Variants in NREP observed in about 807,000 individuals in gnomAD.
NREP encodes neuronal regeneration related protein.
A neutral mutation model predicts 8.6 loss-of-function variants in NREP; 5 were observed. The ratio of observed to expected loss-of-function variants is 0.58; its 90% confidence interval spans 0.30 to 1.22. NREP has a LOEUF of 1.22. Among genes scored for constraint, NREP ranks in the 50% most tolerant of loss-of-function variants. The pLI, the probability that NREP is intolerant of heterozygous loss-of-function variation, is 0.07. For synonymous variants in NREP, 27 were observed against 28.0 expected (o/e 0.96, Z 0.11); for missense variants, 86 against 82.5 (o/e 1.04, Z -0.17).
At position 111,893,851 on chromosome 5, in the gene NREP, C is replaced by T. The variant is rs537478262; in HGVS notation, c.135+81423G>A. On this transcript the variant is annotated intron_variant, in intron 2 of 3. Coordinates refer to the NREP transcript ENST00000395634. The stretch of plus-strand genomic sequence containing the variant: ...TATAGGAATGGGAACAGAATTTTTA[C>T]AGGGCGGGCTAAAAAATACAATGAT... Among the ~76,000 whole-genome samples, 11 of 151,884 alleles carry T rather than the reference C, an allele frequency of 7.2e-5. No homozygotes were observed. The South Asian group carries it at 2.3e-3, about 32-fold the overall frequency.
chr5:111,843,017 G>A (rs913199432), intron 2 of NREP, among the ~76,000 whole-genome samples: 4 of 152,164 alleles, frequency 2.6e-5, no homozygotes, highest in Non-Finnish European at 4.4e-5. Context: ...AATGTGTCGT[G>A]GTGAAGATCT....
chr5:111,914,263 G>T (rs564096899), intron 2 of NREP, among the ~76,000 whole-genome samples: 42 of 152,200 alleles, frequency 2.8e-4, no homozygotes, highest in Admixed American at 2.3e-3. Flanking sequence ...TTTATTCAAA[G>T]ACCTATGCTA....
intron 2 of NREP, among the ~76,000 whole-genome samples, chr5:111,804,691 G>A (rs1279227149): frequency 1.3e-5 from 2 of 151,204 alleles, no homozygotes; most frequent in African/African-American, 4.9e-5. Context: ...GAGTGGAGGA[G>A]AATAAGAGAA....
In NREP at chr5:111,975,314, T is replaced by A. The variant is rs1041874413; in HGVS notation, c.95A>T (p.Lys32Ile). The A allele has an allele frequency of 3.2e-5, 49 of 1,551,604 alleles. No individual in the cohort carries two copies. Among genetic ancestry groups the A allele is most frequent in the Non-Finnish European group, 4.2e-5 (48 of 1,146,920 alleles). ...AATCTGGCAGTGAACCTGGAAACATTTGGAACAAGGGACTCTGTCTGTCAT... is the reference window on the plus strand; with the variant it reads ...AATCTGGCAGTGAACCTGGAAACATATGGAACAAGGGACTCTGTCTGTCAT... The change falls in exon 2 of 4, where the codon AAA (lysine) becomes ATA (isoleucine). Residue 32 changes from lysine (K) to isoleucine (I), a missense_variant. Coordinates refer to the NREP transcript ENST00000395634.
chr5:111,807,448 C>A (rs1752167430), intron 2 of NREP, among the ~76,000 whole-genome samples: 1 of 151,992 alleles, frequency 6.6e-6, no homozygotes, highest in Non-Finnish European at 1.5e-5. Context: ...AACAATTCAA[C>A]CAATTTCATC....
intron 2 of NREP, among the ~76,000 whole-genome samples, chr5:111,873,726 G>T (rs1753841033): frequency 6.6e-6 from 1 of 152,114 alleles, no homozygotes; most frequent in African/African-American, 2.4e-5. Flanking sequence ...CCCATGTCAA[G>T]ATTCTTAACC....
intron 2 of NREP, among the ~76,000 whole-genome samples, chr5:111,847,406 T>C (rs1226361674): frequency 6.6e-6 from 1 of 152,134 alleles, no homozygotes; most frequent in Non-Finnish European, 1.5e-5. Flanking sequence ...CCCTAATTAG[T>C]TCCCCAAGGT....
chr5:111,850,958 G>A (rs1298036686), intron 2 of NREP, among the ~76,000 whole-genome samples: 1 of 152,134 alleles, frequency 6.6e-6, no homozygotes, highest in Non-Finnish European at 1.5e-5. Context: ...AGCTTAAATA[G>A]TGGCATGTAA....
intron 2 of NREP, among the ~76,000 whole-genome samples, chr5:111,867,155 G>A (rs1220362960): frequency 9.3e-5 from 14 of 150,548 alleles, no homozygotes; most frequent in African/African-American, 3.4e-4. Flanking sequence ...AAAAAAAAAA[G>A]AAGGTGATGG....
At chr5:111,924,908 T>C (rs753883497) in intron 2 of NREP, among the ~76,000 whole-genome samples, 10 of 152,222 alleles carry the variant, frequency 6.6e-5, no homozygotes, top group Non-Finnish European at 1.3e-4. Context: ...CTGGCTCCCA[T>C]GTGAGCTAAA....
intron 2 of NREP, among the ~76,000 whole-genome samples, chr5:111,873,526 C>T (rs1227368647): frequency 6.6e-6 from 1 of 152,142 alleles, no homozygotes; most frequent in African/African-American, 2.4e-5. Context: ...AAACTGAAGG[C>T]TGTTCTCAGT....
chr5:111,776,471 G>C (rs182040933), intron 2 of NREP, among the ~76,000 whole-genome samples: 1 of 152,138 alleles, frequency 6.6e-6, no homozygotes, highest in Non-Finnish European at 1.5e-5. Flanking sequence ...GCTCCTAGGT[G>C]TATGAGAAAT....
chr5:111,971,771 T>C (rs1272788332), intron 2 of NREP, among the ~76,000 whole-genome samples: 1 of 152,024 alleles, frequency 6.6e-6, no homozygotes, highest in African/African-American at 2.4e-5. Context: ...GTAAAACTAC[T>C]GGAAGAAAAT....
intron 2 of NREP, among the ~76,000 whole-genome samples, chr5:111,840,807 A>G (rs1488223932): frequency 6.6e-6 from 1 of 152,202 alleles, no homozygotes; most frequent in Non-Finnish European, 1.5e-5. Context: ...TGTTGACAGG[A>G]AAAACTATGA....
chr5:111,902,066 T>C (rs1754659377), intron 2 of NREP, among the ~76,000 whole-genome samples: 1 of 152,142 alleles, frequency 6.6e-6, no homozygotes, highest in Admixed American at 6.6e-5. Flanking sequence ...AAAGCTACTG[T>C]AACCAAAACA....
intron 2 of NREP, among the ~76,000 whole-genome samples, chr5:111,750,934 T>C (rs981620011): frequency 1.3e-5 from 2 of 152,214 alleles, no homozygotes; most frequent in African/African-American, 4.8e-5. Context: ...CTTTGTTTTA[T>C]CCCTTTAATA....
chr5:111,754,160 T>C (rs962406040), intron 2 of NREP, among the ~76,000 whole-genome samples: 3 of 152,166 alleles, frequency 2.0e-5, no homozygotes, highest in African/African-American at 7.2e-5. Flanking sequence ...CCACCATACA[T>C]AAACGACAAC....
At chr5:111,962,786 T>G (rs2112656033) in intron 2 of NREP, among the ~76,000 whole-genome samples, 1 of 152,290 alleles carries the variant, frequency 6.6e-6, no homozygotes, top group South Asian at 2.1e-4. Context: ...AAGAGATAAC[T>G]TGACTTCAGA....
At chr5:111,753,294 T>A (rs1375211685) in intron 2 of NREP, among the ~76,000 whole-genome samples, 1 of 149,378 alleles carries the variant, frequency 6.7e-6, no homozygotes, top group African/African-American at 2.4e-5. Context: ...ACAGAACACA[T>A]GTAATTGGTG....
Sources: gnomAD v4.1 joint callset for allele counts (sites outside exome capture counted in the v4.1 genomes callset) on GRCh38, gnomAD v4.1.1 for gene constraint, MANE v1.5 for transcripts, NCBI Gene and HGNC (gene_info 2026-07-23, HGNC 2026-07-21) for gene names.